Variants in FGF13 observed in about 807,000 individuals in gnomAD.
The protein encoded by FGF13 is fibroblast growth factor homologous factor 2.
In FGF13, 2 loss-of-function variants were observed where a neutral mutation model predicts 19.5. The observed-to-expected ratio is 0.10, with a 90% CI of 0.04 to 0.32. The LOEUF (loss-of-function observed/expected upper bound fraction) is 0.32, where lower values mean the gene tolerates loss of function less well. FGF13 is among the 10% of genes least tolerant of loss of function. The pLI is 1.00. For synonymous variants in FGF13, 72 were observed against 76.9 expected (o/e 0.94, Z 0.33); for missense variants, 113 against 192.7 (o/e 0.59, Z 2.45).
chrX:138,773,485 C>T (rs754520271), intron 3 of FGF13, among the ~76,000 whole-genome samples: 1 of 112,211 alleles, frequency 8.9e-6, no homozygotes, highest in Non-Finnish European at 1.9e-5. Context: ...CTCATGACTA[C>T]AGCCCATCAT....
intron 1 of FGF13, among the ~76,000 whole-genome samples, chrX:138,974,833 G>A (rs1411206080): frequency 8.9e-6 from 1 of 112,616 alleles, no homozygotes. Flanking sequence ...AAGCAATGGA[G>A]AAGACACAGA....
intron 1 of FGF13, among the ~76,000 whole-genome samples, chrX:139,079,006 A>C (rs2083351470): frequency 8.9e-6 from 1 of 112,588 alleles, no homozygotes; most frequent in African/African-American, 3.2e-5. Flanking sequence ...ACAGCAGGCA[A>C]AATGTAGTAG....
intron 3 of FGF13, among the ~76,000 whole-genome samples, chrX:138,652,303 C>T (rs1330648849): frequency 9.0e-6 from 1 of 111,242 alleles, no homozygotes; most frequent in African/African-American, 3.3e-5. Context: ...AAAGAGAAAC[C>T]CTTATCTCTC....
chrX:138,673,461 G>A (rs991403369), intron 3 of FGF13, among the ~76,000 whole-genome samples: 1 of 111,187 alleles, frequency 9.0e-6, no homozygotes, highest in Non-Finnish European at 1.9e-5. Context: ...TAGCCATGCT[G>A]CCAAGCACAT....
intron 3 of FGF13, among the ~76,000 whole-genome samples, chrX:138,839,448 G>A (rs765058188): frequency 9.8e-5 from 11 of 111,746 alleles, no homozygotes; most frequent in African/African-American, 3.6e-4. Flanking sequence ...GGAAGGCAAA[G>A]GGCGAGGTTA....
At chrX:139,003,621 TAC>T (rs1339381562) in intron 1 of FGF13, among the ~76,000 whole-genome samples, 3 of 34,267 alleles carry the variant, frequency 8.8e-5, no homozygotes, top group African/African-American at 2.1e-4. Context: ...ATTAGTTAGA[TAC>T]AGAGTTTCCA....
chrX:139,083,298 T>A (rs1322129996), intron 1 of FGF13, among the ~76,000 whole-genome samples: 1 of 111,861 alleles, frequency 8.9e-6, no homozygotes, highest in Non-Finnish European at 1.9e-5. Context: ...ATTATCTCAT[T>A]TGACTCTTCA....
At chrX:139,071,733 A>T (rs1277653237) in intron 1 of FGF13, among the ~76,000 whole-genome samples, 1 of 110,704 alleles carries the variant, frequency 9.0e-6, no homozygotes, top group Non-Finnish European at 1.9e-5. Flanking sequence ...AAATGCCTTT[A>T]TTGGCTGGAT....
At chrX:138,653,336 C>T (rs983013744) in intron 3 of FGF13, among the ~76,000 whole-genome samples, 2 of 111,029 alleles carry the variant, frequency 1.8e-5, no homozygotes, top group African/African-American at 3.3e-5. Flanking sequence ...TTCAGTGCCA[C>T]GCTTCCAATG....
At chrX:139,163,288 A>ACG (rs1201829115) in intron 1 of FGF13, among the ~76,000 whole-genome samples, 1 of 111,321 alleles carries the variant, frequency 9.0e-6, no homozygotes, top group Non-Finnish European at 1.9e-5. Flanking sequence ...AAACTAACAC[A>ACG]GGAACAGAAA....
chrX:138,681,691 A>G (rs2089730633), intron 3 of FGF13, among the ~76,000 whole-genome samples: 1 of 112,034 alleles, frequency 8.9e-6, no homozygotes. Context: ...TTTGATTTAA[A>G]GTAAGAGAAG....
chrX:138,941,202 T>C (rs1295280790), intron 1 of FGF13, among the ~76,000 whole-genome samples: 2 of 111,299 alleles, frequency 1.8e-5, no homozygotes, highest in Non-Finnish European at 3.8e-5. Context: ...TACTAGAAGT[T>C]CCGGCCAGAG....
intron 1 of FGF13, among the ~76,000 whole-genome samples, chrX:138,984,557 G>GAAA (rs2091980935): frequency 2.4e-5 from 1 of 41,933 alleles, no homozygotes; most frequent in Admixed American, 2.8e-4. Flanking sequence ...AGAAGAAGAA[G>GAAA]AAGAAGAAGA....
At chrX:138,731,747 G>C (rs1383877903) in intron 1 of FGF13, among the ~76,000 whole-genome samples, 2 of 110,052 alleles carry the variant, frequency 1.8e-5, no homozygotes, top group African/African-American at 6.6e-5. Context: ...TTGGTTCTTT[G>C]AAAAGATTAA....
intron 1 of FGF13, among the ~76,000 whole-genome samples, chrX:138,960,182 G>A (rs1280839437): frequency 1.3e-4 from 14 of 111,689 alleles, no homozygotes; most frequent in African/African-American, 4.2e-4. Flanking sequence ...TCCATGTTTA[G>A]TGCTTCCTTC....
intron 1 of FGF13, among the ~76,000 whole-genome samples, chrX:138,896,571 C>A (rs1236354901): frequency 9.0e-5 from 10 of 111,529 alleles, no homozygotes; most frequent in African/African-American, 2.9e-4. Context: ...TAAGATATAT[C>A]CAAACTCCTC....
intron 1 of FGF13, among the ~76,000 whole-genome samples, chrX:138,939,961 T>C (rs1459403868): frequency 8.9e-6 from 1 of 111,986 alleles, no homozygotes; most frequent in Non-Finnish European, 1.9e-5. Context: ...GGTCAAATGG[T>C]AATTCTGTTT....
chrX:138,833,043 C>A (rs181886510), intron 3 of FGF13, among the ~76,000 whole-genome samples: 11 of 111,321 alleles, frequency 9.9e-5, no homozygotes, highest in Admixed American at 4.7e-4. Flanking sequence ...GTACCAGTAC[C>A]ATGTGGTTTT....
intron 1 of FGF13, among the ~76,000 whole-genome samples, chrX:139,180,901 C>T (rs1345542336): frequency 1.8e-5 from 2 of 112,291 alleles, no homozygotes; most frequent in African/African-American, 3.2e-5. Flanking sequence ...ACTATTCCTA[C>T]GTGCCAGGTA....
Sources: gnomAD v4.1 joint callset for allele counts (sites outside exome capture counted in the v4.1 genomes callset) on GRCh38, gnomAD v4.1.1 for gene constraint, MANE v1.5 for transcripts, NCBI Gene and HGNC (gene_info 2026-07-23, HGNC 2026-07-21) for gene names.